The following TBCE variants were observed in gnomAD, a reference collection of about 807,000 sequenced individuals.
TBCE encodes tubulin-specific chaperone E.
A neutral mutation model predicts 77.0 loss-of-function variants in TBCE; 53 were observed. The ratio of observed to expected loss-of-function variants is 0.69; its 90% CI spans 0.55 to 0.87. The LOEUF (loss-of-function observed/expected upper bound fraction) is 0.87, where lower values mean the gene tolerates loss of function less well. Among genes scored for constraint, TBCE ranks in the 40% least tolerant of loss-of-function variants. The probability of loss-of-function intolerance (pLI) is 0.00; values close to 1 mark genes in which losing one functional copy is unlikely to be tolerated. For missense variants in TBCE, 624 were observed against 622.4 expected (o/e 1.00, Z -0.03); for synonymous variants, 235 against 241.3 (o/e 0.97, Z 0.24).
At position 235,404,421 on chromosome 1, in the gene TBCE, T is replaced by TA. The variant is rs75951633; in HGVS notation, c.185+2846dup. On this transcript the variant is annotated intron_variant, in intron 3 of 16. Transcript: ENST00000642610. Reference sequence around the variant, plus strand: ...TAGGCAACACAATGAGATCTCATCATAAAAAAAAAAAAGATAGAAAATGGT... The same window carrying TA: ...TAGGCAACACAATGAGATCTCATCATAAAAAAAAAAAAAGATAGAAAATGGT... Among the ~76,000 whole-genome samples, 812 of 142,798 alleles carry TA rather than the reference T, an allele frequency of 5.7e-3. 3 individuals carry two copies. The highest frequency in any genetic ancestry group is 0.015 in the African/African-American group (583 of 39,288). The allele number at this position is 142,798 out of a possible 152,430, so 93.7% of individuals were successfully genotyped here.
At position 235,401,552 on chromosome 1, in the gene TBCE, TGGGAGCCACGAA is replaced by T. The variant is rs767004810; in HGVS notation, c.155_166del (p.Ser52_Gly55del). ...ACAATCCCGAGAGAGGAAAGCATGA[TGGGAGCCACGAA>T]GGGACTGTGTATTTTAAATGCAGGT... On this transcript the variant is annotated inframe_deletion, in exon 3 of 17. Coordinates refer to ENST00000642610, the MANE Select transcript of TBCE (RefSeq NM_003193.5). 5.6e-6 allele frequency: 9 copies of T among 1,613,832 alleles called. No individual in the cohort carries two copies. In the Middle Eastern group the frequency reaches 4.9e-4, roughly 88 times the overall value.
Position 235,414,556 on chromosome 1 carries a change from T to C in TBCE, c.309T>C (p.Ile103=). The part of the protein sequence containing the change: ...DGPEEDRKEQ[I]VTIGNKPVET... ...CAGAGGAAGATAGAAAAGAGCAAATTGTTACAATTGGAAATAAACCTGTGG... is the reference window on the plus strand; with the variant it reads ...CAGAGGAAGATAGAAAAGAGCAAATCGTTACAATTGGAAATAAACCTGTGG... The change falls in exon 4 of 17, where the codon ATT becomes ATC. Residue 103 remains isoleucine (I), a synonymous_variant. Transcript: ENST00000642610. 6.2e-7 allele frequency: 1 copy of C among 1,613,928 alleles called. No individual in the cohort carries two copies. The highest frequency in any genetic ancestry group is 8.5e-7 in the Non-Finnish European group (1 of 1,180,002).
intron 8 of TBCE, among the ~76,000 whole-genome samples, chr1:235,434,542 T>TCTTTTA (rs1681301039): frequency 1.1e-5 from 1 of 89,766 alleles, no homozygotes; most frequent in Non-Finnish European, 2.0e-5. Flanking sequence ...TTCTTTTTTT[T>TCTTTTA]CTTTTTCTTT....
At chr1:235,443,102 G>A in intron 15 of TBCE, 191 bp downstream of exon 15, 1 of 619,318 alleles carries the variant, frequency 1.6e-6, no homozygotes, top group East Asian at 2.9e-5. Flanking sequence ...CAAAAGTTCA[G>A]GTCTCCCCTA....
In TBCE at chr1:235,449,215, A is replaced by G. The variant is rs923761319; in HGVS notation, c.*453A>G. The G allele has an allele frequency of 9.3e-6, 2 of 216,158 alleles. No homozygotes were observed. The highest frequency in any genetic ancestry group is 1.9e-5 in the Non-Finnish European group (2 of 106,914). The allele number at this position is 216,158 out of a possible 1,614,324, so 13.4% of individuals were successfully genotyped here. A position where few individuals can be genotyped will look rare whatever the true frequency, so the allele number is the denominator to read the frequency against. On this transcript the variant is annotated 3_prime_UTR_variant, in exon 17 of 17. Transcript: ENST00000642610. ...CTTGGGGAGACATCCTCTACTATGT[A>G]TAACAATATGCTATTATCTGTCTTC...
At chr1:235,430,915 A>G in intron 7 of TBCE, 111 bp downstream of exon 7, 1 of 880,140 alleles carries the variant, frequency 1.1e-6, no homozygotes, top group African/African-American at 1.7e-5. Flanking sequence ...CATTTAAATC[A>G]TCCCAGTATC....
intron 2 of TBCE, among the ~76,000 whole-genome samples, chr1:235,396,631 C>T (rs1678740099): frequency 6.6e-6 from 1 of 152,188 alleles, no homozygotes; most frequent in Admixed American, 6.6e-5. Context: ...GTTCCCTTTT[C>T]TCTAGCATTT....
rs185791529 is a variant in TBCE, at chr1:235,450,160, A to G, written c.*1398A>G. The G allele has an allele frequency of 1.5e-5, 24 of 1,609,006 alleles. No individual in the cohort carries two copies. In the African/African-American group the frequency reaches 2.4e-4, roughly 16 times the overall value. On this transcript the variant is annotated 3_prime_UTR_variant, in exon 17 of 17. Coordinates refer to ENST00000642610, the MANE Select transcript of TBCE (RefSeq NM_003193.5). The stretch of plus-strand genomic sequence containing the variant: ...GACTCCTCAGACTTGCACTCAGATT[A>G]TCGTTTGCCTGCCCTGATTTTAGAC...
intron 13 of TBCE, among the ~76,000 whole-genome samples, chr1:235,440,233 G>A (rs1681777166): frequency 6.6e-6 from 1 of 152,306 alleles, no homozygotes; most frequent in South Asian, 2.1e-4. Context: ...GCCTCCCAGA[G>A]TGCTGGGATT....
At chr1:235,370,822 A>C (rs1453613395) in intron 1 of TBCE, among the ~76,000 whole-genome samples, 2 of 146,580 alleles carry the variant, frequency 1.4e-5, no homozygotes, top group African/African-American at 5.1e-5. Flanking sequence ...GCTCACTGCA[A>C]CCTCCGCCTC....
At chr1:235,433,171 G>A in intron 7 of TBCE, 1 of 1,343,900 alleles carries the variant, frequency 7.4e-7, no homozygotes, top group Non-Finnish European at 9.6e-7. Flanking sequence ...TTGCAGGATG[G>A]GTGAGTCAGA....
chr1:235,389,139 A>G (rs1317409098), intron 2 of TBCE, among the ~76,000 whole-genome samples: 1 of 152,238 alleles, frequency 6.6e-6, no homozygotes, highest in African/African-American at 2.4e-5. Context: ...TCACTAGTAC[A>G]GTAATATAGA....
At chr1:235,406,941 T>A (rs181230658) in intron 3 of TBCE, among the ~76,000 whole-genome samples, 7 of 151,648 alleles carry the variant, frequency 4.6e-5, no homozygotes, top group East Asian at 1.9e-4. Context: ...TTCAAGGGAT[T>A]CTCCTGTCTC....
At chr1:235,398,562 C>T (rs549833892) in intron 2 of TBCE, among the ~76,000 whole-genome samples, 7 of 149,932 alleles carry the variant, frequency 4.7e-5, no homozygotes, top group South Asian at 2.1e-4. Flanking sequence ...GTTTTGCTGA[C>T]ATTCTGTTCC....
chr1:235,412,024 A>G (rs1217017467), intron 3 of TBCE, among the ~76,000 whole-genome samples: 1 of 140,612 alleles, frequency 7.1e-6, no homozygotes, highest in African/African-American at 2.8e-5. Context: ...ACCTTACCTG[A>G]CCTGGTTTTA....
Position 235,394,353 on chromosome 1 carries a change from C to T in TBCE, c.101-7150C>T, listed in dbSNP as rs376149783. The stretch of plus-strand genomic sequence containing the variant: ...CCTCCCAAAATGCTGGGATTACAGG[C>T]GTGAGCCACCATGCCTGGCCTGTAA... On this transcript the variant is annotated intron_variant, in intron 2 of 16. Transcript: ENST00000642610. Among the ~76,000 whole-genome samples, 63 of 148,768 alleles carry T rather than the reference C, an allele frequency of 4.2e-4. No homozygotes were observed. The East Asian group carries it at 0.011, about 26-fold the overall frequency.
At chr1:235,431,008 T>A (rs1458016172) in intron 7 of TBCE, among the ~76,000 whole-genome samples, 2 of 152,208 alleles carry the variant, frequency 1.3e-5, no homozygotes, top group Admixed American at 6.5e-5. Context: ...CATCTGGAAA[T>A]CCATGTCCTA....
chr1:235,388,587 C>T (rs1678179171), intron 2 of TBCE, among the ~76,000 whole-genome samples: 1 of 152,262 alleles, frequency 6.6e-6, no homozygotes. Flanking sequence ...CTGCACCTGG[C>T]TCTACTCTGT....
At chr1:235,375,629 C>CT (rs1273773898) in intron 1 of TBCE, among the ~76,000 whole-genome samples, 1 of 152,130 alleles carries the variant, frequency 6.6e-6, no homozygotes, top group East Asian at 1.9e-4. Context: ...AGGGTAAAGG[C>CT]TTTGGAACTA....
Sources: gnomAD v4.1 joint callset for allele counts (sites outside exome capture counted in the v4.1 genomes callset) on GRCh38, gnomAD v4.1.1 for gene constraint, MANE v1.5 for transcripts, NCBI Gene and HGNC (gene_info 2026-07-23, HGNC 2026-07-21) for gene names.